AMOTL1: variants seen among roughly 807,000 people sequenced by gnomAD.
The protein encoded by AMOTL1 is angiomotin-like protein 1.
AMOTL1 carries 45 observed loss-of-function variants against 102.9 expected under a neutral mutation model. The ratio of observed to expected loss-of-function variants is 0.44; its 90% CI spans 0.34 to 0.56. The LOEUF (loss-of-function observed/expected upper bound fraction) is 0.56, where lower values mean the gene tolerates loss of function less well. Ranked by LOEUF, AMOTL1 falls within the 20% of genes least tolerant of loss-of-function variation. The pLI is 0.01. For missense variants in AMOTL1, 1,114 were observed against 1,225.6 expected, an observed-to-expected ratio of 0.91 and a Z score of 1.36; for synonymous variants, 481 against 484.7, an observed-to-expected ratio of 0.99 and a Z score of 0.10.
chr11:94,856,272 A>G (rs529757581), intron 8 of AMOTL1, among the ~76,000 whole-genome samples: 1 of 151,762 alleles, frequency 6.6e-6, no homozygotes, highest in Admixed American at 6.6e-5. Flanking sequence ...TTTTTCCTGT[A>G]ATATTTCTTT....
intron 1 of AMOTL1, among the ~76,000 whole-genome samples, chr11:94,720,274 A>G (rs1305799453): frequency 1.3e-5 from 2 of 152,074 alleles, no homozygotes; most frequent in African/African-American, 4.8e-5. Flanking sequence ...AGGCTCCCTC[A>G]GCATATAAAG....
At chr11:94,751,750 CAT>C (rs759519676) in intron 3 of AMOTL1, among the ~76,000 whole-genome samples, 3 of 148,938 alleles carry the variant, frequency 2.0e-5, no homozygotes, top group East Asian at 2.0e-4. Context: ...TGGGATAAAA[CAT>C]ATATATGCTC....
At chr11:94,792,548 C>A (rs559246203) in intron 1 of AMOTL1, among the ~76,000 whole-genome samples, 36 of 152,302 alleles carry the variant, frequency 2.4e-4, no homozygotes, top group African/African-American at 8.2e-4. Context: ...TGGCTTTAGA[C>A]GAGTGGATGG....
At position 94,810,879 on chromosome 11, in the gene AMOTL1, C is replaced by T. The variant is rs138623611; in HGVS notation, c.1121+10568C>T. 5.6e-3 allele frequency among the ~76,000 whole-genome samples: 851 copies of T among 150,882 alleles called. 6 individuals carry two copies. The highest frequency in any genetic ancestry group is 0.019 in the African/African-American group (793 of 41,046). The stretch of plus-strand genomic sequence containing the variant: ...ACACACACACACACACGCGTACACA[C>T]ACATATCTTGGATATTAGCTTTTAA... On this transcript the variant is annotated intron_variant, in intron 3 of 12. Coordinates refer to ENST00000433060, the MANE Select transcript of AMOTL1 (RefSeq NM_130847.3).
intron 1 of AMOTL1, among the ~76,000 whole-genome samples, chr11:94,718,555 C>T (rs1950130017): frequency 6.6e-6 from 1 of 151,854 alleles, no homozygotes; most frequent in Non-Finnish European, 1.5e-5. Flanking sequence ...TAGAGAATAT[C>T]TGTTTCTTCA....
At chr11:94,795,662 GA>G (rs1951353799) in intron 2 of AMOTL1, among the ~76,000 whole-genome samples, 1 of 152,156 alleles carries the variant, frequency 6.6e-6, no homozygotes, top group Non-Finnish European at 1.5e-5. Flanking sequence ...TTTAGGGAAG[GA>G]TGTCATGGTT....
Position 94,870,922 on chromosome 11 carries a change from T to G in AMOTL1, c.*127T>G, listed in dbSNP as rs2135748120. ...ATTTGAACTGATAAAGATTTCAGAC[T>G]CATAAGAACACATTTTATAAATGTT... On this transcript the variant is annotated 3_prime_UTR_variant, in exon 13 of 13. Transcript: ENST00000433060. 3.0e-6 allele frequency: 2 copies of G among 671,086 alleles called. No individual in the cohort carries two copies. Among genetic ancestry groups the G allele is most frequent in the Admixed American group, 6.2e-5 (2 of 32,426 alleles). The allele number at this position is 671,086 out of a possible 1,614,324, so 41.6% of individuals were successfully genotyped here.
chr11:94,761,335 C>G (rs2135501827), intron 3 of AMOTL1, among the ~76,000 whole-genome samples: 1 of 151,876 alleles, frequency 6.6e-6, no homozygotes, highest in Non-Finnish European at 1.5e-5. Context: ...ATTACAGGCA[C>G]CTGCCACCAT....
intron 3 of AMOTL1, among the ~76,000 whole-genome samples, chr11:94,741,230 G>C (rs970045059): frequency 6.6e-6 from 1 of 151,772 alleles, no homozygotes. Context: ...GCGTGCGTGT[G>C]CGTGTGTGTG....
chr11:94,844,245 G>A (rs113002889), intron 6 of AMOTL1, among the ~76,000 whole-genome samples: 5 of 152,156 alleles, frequency 3.3e-5, no homozygotes, highest in African/African-American at 1.2e-4. Flanking sequence ...GGCTAGTTAT[G>A]TGTCACTATG....
intron 6 of AMOTL1, among the ~76,000 whole-genome samples, chr11:94,841,561 A>G (rs1039010146): frequency 6.6e-6 from 1 of 152,272 alleles, no homozygotes; most frequent in South Asian, 2.1e-4. Flanking sequence ...TAGTATGTAT[A>G]TAGTCGAAAC....
At chr11:94,710,723 A>T (rs1164843459) in intron 1 of AMOTL1, among the ~76,000 whole-genome samples, 1 of 152,176 alleles carries the variant, frequency 6.6e-6, no homozygotes, top group East Asian at 1.9e-4. Flanking sequence ...GAATATTTAC[A>T]TTCTGAATAT....
intron 6 of AMOTL1, among the ~76,000 whole-genome samples, chr11:94,838,499 T>C (rs1006019411): frequency 6.6e-6 from 1 of 152,192 alleles, no homozygotes; most frequent in Non-Finnish European, 1.5e-5. Flanking sequence ...CCATAGATGA[T>C]CCATAAACAA....
intron 9 of AMOTL1, among the ~76,000 whole-genome samples, chr11:94,861,234 G>A (rs1952767590): frequency 6.6e-6 from 1 of 152,228 alleles, no homozygotes; most frequent in Admixed American, 6.5e-5. Flanking sequence ...GAGAGTTGGA[G>A]GGAAGTTGCA....
At chr11:94,838,118 G>C (rs1437501235) in intron 6 of AMOTL1, among the ~76,000 whole-genome samples, 2 of 152,096 alleles carry the variant, frequency 1.3e-5, no homozygotes, top group Non-Finnish European at 2.9e-5. Flanking sequence ...TTTTTCCACT[G>C]TAAACACTCA....
intron 3 of AMOTL1, among the ~76,000 whole-genome samples, chr11:94,757,809 C>A (rs1223052913): frequency 1.3e-5 from 2 of 152,196 alleles, no homozygotes; most frequent in African/African-American, 4.8e-5. Context: ...CACCTGTAAT[C>A]CCAGCACTTT....
chr11:94,769,556 T>TCATC (rs1396696207), intron 1 of AMOTL1, among the ~76,000 whole-genome samples: 1 of 152,246 alleles, frequency 6.6e-6, no homozygotes. Flanking sequence ...CTATCTTTAC[T>TCATC]GATGACTAGG....
chr11:94,726,169 AG>A (rs1183474388), intron 1 of AMOTL1, among the ~76,000 whole-genome samples: 3 of 152,204 alleles, frequency 2.0e-5, no homozygotes, highest in Non-Finnish European at 4.4e-5. Flanking sequence ...GACCCATAAA[AG>A]AAGAGGCTGT....
In AMOTL1 at chr11:94,835,388, A is replaced by AC. The variant is rs1952157721; in HGVS notation, c.1648+3851dup. Among the ~76,000 whole-genome samples, 6 of 152,320 alleles carry AC rather than the reference A, an allele frequency of 3.9e-5. No homozygotes were observed. In the South Asian group the frequency reaches 1.0e-3, roughly 26 times the overall value. Reference sequence around the variant, plus strand: ...CAGGTTACTGTCTGCTAAAGGCAGAACCCCTGGAAATACCTCTTACCATTC... The same window carrying AC: ...CAGGTTACTGTCTGCTAAAGGCAGAACCCCCTGGAAATACCTCTTACCATTC... On this transcript the variant is annotated intron_variant, in intron 6 of 12. Transcript: ENST00000433060.
Sources: allele counts gnomAD v4.1 joint callset (sites outside exome capture counted in the v4.1 genomes callset), GRCh38; gene constraint gnomAD v4.1.1; transcripts MANE v1.5; gene names NCBI Gene and HGNC (gene_info 2026-07-23, HGNC 2026-07-21).